The following GLIS3 variants were observed in gnomAD, a reference collection of about 807,000 sequenced individuals.
GLIS3 encodes the protein zinc finger protein GLIS3.
A neutral mutation model predicts 78.6 loss-of-function variants in GLIS3; 53 were observed. The observed-to-expected ratio is 0.67, with a 90% CI of 0.54 to 0.85. The LOEUF is 0.85. Among genes scored for constraint, GLIS3 ranks in the 40% least tolerant of loss-of-function variants. The pLI is 0.00. For missense variants in GLIS3, 1,703 were observed against 1,231.1 expected (o/e 1.38, Z -5.74); for synonymous variants, 684 against 509.9 (o/e 1.34, Z -4.60).
At chr9:4,303,717 G>T (rs551612832), upstream of GLIS3, among the ~76,000 whole-genome samples, 1 of 152,236 alleles carries the variant, frequency 6.6e-6, no homozygotes, top group East Asian at 1.9e-4. Context: ...TGTCTAATTG[G>T]TGAAATGTTT....
At chr9:4,414,174 G>A in the GLIS3 span, among the ~76,000 whole-genome samples, 1 of 152,056 alleles carries the variant, frequency 6.6e-6, no homozygotes, top group African/African-American at 2.4e-5. Context: ...AGAGTCAAAA[G>A]GATTAAATAC....
chr9:3,926,623 CT>C (rs1376494271), intron 6 of GLIS3, among the ~76,000 whole-genome samples: 2 of 151,276 alleles, frequency 1.3e-5, no homozygotes, highest in African/African-American at 4.9e-5. Flanking sequence ...TTCCTTCCTT[CT>C]TTTCTTTCTT....
In GLIS3 at chr9:4,176,504, T is replaced by C. The variant is rs1586885236; in HGVS notation, c.389-50563A>G. ...ATTTTAATATTTTACCATTCAGCAT[T>C]AAGTCTACTTAACTATTTCTTTACT... is the stretch of plus-strand genomic sequence containing the variant. On this transcript the variant is annotated intron_variant, in intron 2 of 10. Transcript: ENST00000381971. Among the ~76,000 whole-genome samples, 6 of 152,336 alleles carry C rather than the reference T, an allele frequency of 3.9e-5. No individual in the cohort carries two copies. The East Asian group carries it at 1.2e-3, about 29-fold the overall frequency.
At chr9:4,076,867 G>A (rs935351610) in intron 4 of GLIS3, among the ~76,000 whole-genome samples, 1 of 152,090 alleles carries the variant, frequency 6.6e-6, no homozygotes, top group African/African-American at 2.4e-5. Context: ...GACGAGCTTG[G>A]GCAACATGGC....
At chr9:3,873,399 C>G (rs188996381) in intron 8 of GLIS3, among the ~76,000 whole-genome samples, 110 of 152,120 alleles carry the variant, frequency 7.2e-4, no homozygotes, top group Non-Finnish European at 1.2e-3. Flanking sequence ...ACGAGGGAAG[C>G]AAGGATGATT....
chr9:4,300,531 G>A (rs1286892628), upstream of GLIS3, among the ~76,000 whole-genome samples: 1 of 152,114 alleles, frequency 6.6e-6, no homozygotes, highest in African/African-American at 2.4e-5. Flanking sequence ...AAGCACTAAG[G>A]AAGGCTTTGG....
At chr9:4,097,187 C>G (rs1028383369) in intron 4 of GLIS3, among the ~76,000 whole-genome samples, 3 of 152,094 alleles carry the variant, frequency 2.0e-5, no homozygotes, top group African/African-American at 7.2e-5. Flanking sequence ...GCAGAACATC[C>G]TTTCTTCCAT....
chr9:4,376,352 T>G, the GLIS3 span, among the ~76,000 whole-genome samples: 17 of 152,290 alleles, frequency 1.1e-4, no homozygotes, highest in African/African-American at 4.1e-4. Flanking sequence ...CTGAAGATTG[T>G]TTTTCCTGGG....
chr9:3,903,446 C>G (rs906828604), intron 6 of GLIS3, among the ~76,000 whole-genome samples: 2 of 152,184 alleles, frequency 1.3e-5, no homozygotes, highest in African/African-American at 4.8e-5. Context: ...AAAGGACTGC[C>G]GTGTTGCATG....
chr9:4,325,149 C>G (rs1403030319), intron 2 of GLIS3, among the ~76,000 whole-genome samples: 1 of 152,174 alleles, frequency 6.6e-6, no homozygotes, highest in Non-Finnish European at 1.5e-5. Context: ...AAGCCCATAG[C>G]TACACCACCC....
chr9:4,304,267 C>T (rs1817170187), upstream of GLIS3, among the ~76,000 whole-genome samples: 1 of 152,208 alleles, frequency 6.6e-6, no homozygotes. Context: ...TTATCAATGT[C>T]AGATGAGCAC....
the GLIS3 span, among the ~76,000 whole-genome samples, chr9:4,432,516 C>T: frequency 2.6e-5 from 4 of 151,912 alleles, no homozygotes; most frequent in Non-Finnish European, 4.4e-5. Context: ...GTTTAAAGTT[C>T]GGATGTTCAG....
chr9:4,359,889 AATGTT>A, the GLIS3 span, among the ~76,000 whole-genome samples: 2,956 of 152,192 alleles, frequency 0.019, 97 homozygotes, highest in African/African-American at 0.067. Context: ...TGCTGAGATG[AATGTT>A]AAGTATATAA....
At chr9:4,054,358 G>C (rs897007911) in intron 4 of GLIS3, 1 of 985,258 alleles carries the variant, frequency 1.0e-6, no homozygotes, top group African/African-American at 1.7e-5. Context: ...GCTCTCAAAA[G>C]GCACAGAGCA....
chr9:4,127,382 T>C (rs73394528), intron 2 of GLIS3, among the ~76,000 whole-genome samples: 4,869 of 152,278 alleles, frequency 0.032, 258 homozygotes, highest in African/African-American at 0.11. Context: ...TCTCTGATTT[T>C]CTTTCCCAGA....
intron 6 of GLIS3, among the ~76,000 whole-genome samples, chr9:3,905,041 C>T (rs1353642329): frequency 2.6e-5 from 4 of 151,080 alleles, no homozygotes; most frequent in South Asian, 2.1e-4. Flanking sequence ...GGCGCGATCT[C>T]GGCTCACTGC....
chr9:4,128,453 G>A (rs1832734872), intron 2 of GLIS3, among the ~76,000 whole-genome samples: 1 of 152,190 alleles, frequency 6.6e-6, no homozygotes, highest in Non-Finnish European at 1.5e-5. Flanking sequence ...AGGGTCTAAT[G>A]CACATTACAT....
intron 4 of GLIS3, among the ~76,000 whole-genome samples, chr9:4,027,346 CAGG>C (rs1823431890): frequency 6.6e-6 from 1 of 152,190 alleles, no homozygotes; most frequent in Non-Finnish European, 1.5e-5. Flanking sequence ...TTATTCACAG[CAGG>C]AGTTTTGCTA....
chr9:4,163,336 C>A (rs1835651153), intron 2 of GLIS3, among the ~76,000 whole-genome samples: 1 of 152,232 alleles, frequency 6.6e-6, no homozygotes, highest in Admixed American at 6.5e-5. Context: ...TGAAATTCAT[C>A]ATTTTCACAA....
Sources: gnomAD v4.1 joint callset for allele counts (sites outside exome capture counted in the v4.1 genomes callset) on GRCh38, gnomAD v4.1.1 for gene constraint, MANE v1.5 for transcripts, NCBI Gene and HGNC (gene_info 2026-07-23, HGNC 2026-07-21) for gene names.